The following ERBB4 variants were observed in gnomAD, a reference collection of about 807,000 sequenced individuals.
The protein encoded by ERBB4 is erb-b2 receptor tyrosine kinase 4.
A neutral mutation model predicts 158.0 loss-of-function variants in ERBB4; 42 were observed. That is an observed-to-expected ratio of 0.27 (90% CI 0.21 to 0.34). The LOEUF (loss-of-function observed/expected upper bound fraction) is 0.34, where lower values mean the gene tolerates loss of function less well. ERBB4 is among the 10% of genes least tolerant of loss of function. The pLI, the probability that ERBB4 is intolerant of heterozygous loss-of-function variation, is 1.00. For synonymous variants in ERBB4, 583 were observed against 558.7 expected (o/e 1.04, Z -0.61); for missense variants, 1,333 against 1,624.1 (o/e 0.82, Z 3.08).
At chr2:211,575,096 T>C (rs938210781) in intron 19 of ERBB4, among the ~76,000 whole-genome samples, 3 of 152,212 alleles carry the variant, frequency 2.0e-5, no homozygotes, top group African/African-American at 4.8e-5. Flanking sequence ...AAGCTGAGAT[T>C]TGAATCCAGT....
At chr2:211,395,837 T>C (rs962829685) in intron 25 of ERBB4, among the ~76,000 whole-genome samples, 1 of 152,088 alleles carries the variant, frequency 6.6e-6, no homozygotes, top group Non-Finnish European at 1.5e-5. Context: ...GATATACACA[T>C]ACATGCTTAT....
chr2:212,466,724 C>T (rs569088422), intron 1 of ERBB4, among the ~76,000 whole-genome samples: 2 of 152,202 alleles, frequency 1.3e-5, no homozygotes, highest in South Asian at 2.1e-4. Context: ...TACATTGGTA[C>T]CAGTAGAGTG....
rs1257612924 is a variant in ERBB4, at chr2:211,565,406, T to A, written c.2302-3318A>T. ...TGATACATAGGCTAAAAAGAAAAAA[T>A]TAAGACTTCACAGTATAAGCATATT... is the stretch of plus-strand genomic sequence containing the variant. On this transcript the variant is annotated intron_variant, in intron 19 of 27. Coordinates refer to ENST00000342788, the MANE Select transcript of ERBB4 (RefSeq NM_005235.3). 2.6e-5 allele frequency among the ~76,000 whole-genome samples: 4 copies of A among 151,954 alleles called. No individual in the cohort carries two copies. The East Asian group carries it at 7.7e-4, about 29-fold the overall frequency.
intron 1 of ERBB4, among the ~76,000 whole-genome samples, chr2:212,206,589 C>CTTTTCTTTTTTTTTTT (rs2082754707): frequency 8.6e-6 from 1 of 116,450 alleles, no homozygotes; most frequent in Admixed American, 8.0e-5. Flanking sequence ...CTGTTCTGTT[C>CTTTTCTTTTTTTTTTT]TTTTTTTTTT....
intron 5 of ERBB4, among the ~76,000 whole-genome samples, chr2:211,748,810 C>G (rs1559483522): frequency 6.6e-6 from 1 of 152,208 alleles, no homozygotes; most frequent in Non-Finnish European, 1.5e-5. Flanking sequence ...AGCACTTTCA[C>G]AGTCTCTTTG....
intron 20 of ERBB4, among the ~76,000 whole-genome samples, chr2:211,458,459 T>C (rs2064444529): frequency 6.6e-6 from 1 of 151,630 alleles, no homozygotes; most frequent in South Asian, 2.1e-4. Context: ...TAGAGATGGG[T>C]TTTCACCATG....
chr2:212,536,918 G>A (rs1693103018), intron 1 of ERBB4, among the ~76,000 whole-genome samples: 1 of 152,078 alleles, frequency 6.6e-6, no homozygotes, highest in African/African-American at 2.4e-5. Flanking sequence ...AGTGGGGAGG[G>A]AGATAAAAAG....
chr2:212,102,076 G>A (rs775441482), intron 2 of ERBB4, among the ~76,000 whole-genome samples: 4 of 69,096 alleles, frequency 5.8e-5, no homozygotes, highest in South Asian at 6.1e-4. Context: ...AATCATATAC[G>A]TTGAAAATTT....
Position 211,893,346 on chromosome 2 carries a change from T to A in ERBB4, c.421+54084A>T, listed in dbSNP as rs886370976. ...ATTTAATAAATGGTGCTGGGAAAAC[T>A]GGCTAGCCATATGTAGAAAGCTGAA... On this transcript the variant is annotated intron_variant, in intron 3 of 27. Coordinates refer to ENST00000342788, the MANE Select transcript of ERBB4 (RefSeq NM_005235.3). Among the ~76,000 whole-genome samples, 130 of 144,166 alleles carry A rather than the reference T, an allele frequency of 9.0e-4. 14 individuals are homozygous for A. The highest frequency in any genetic ancestry group is 3.4e-3 in the African/African-American group (123 of 36,498). 94.6% of individuals were successfully genotyped at this position (144,166 alleles called of 152,430 possible).
chr2:211,951,747 ATTATTCATTCTGT>A (rs545438326), intron 2 of ERBB4, among the ~76,000 whole-genome samples: 5 of 152,190 alleles, frequency 3.3e-5, no homozygotes, highest in African/African-American at 9.6e-5. Context: ...AGTCTCTGTC[ATTATTCATTCTGT>A]TTATTACCCT....
chr2:211,793,704 C>A (rs2076324985), intron 3 of ERBB4, among the ~76,000 whole-genome samples: 1 of 151,918 alleles, frequency 6.6e-6, no homozygotes. Context: ...CTGGAATGGA[C>A]TTGGTCCAGA....
At chr2:212,238,877 G>A (rs964901451) in intron 1 of ERBB4, among the ~76,000 whole-genome samples, 3 of 151,914 alleles carry the variant, frequency 2.0e-5, no homozygotes, top group African/African-American at 7.3e-5. Context: ...AATCTGAAAT[G>A]TAATATTCGG....
chr2:212,272,785 A>G (rs926095733), intron 1 of ERBB4, among the ~76,000 whole-genome samples: 5 of 151,834 alleles, frequency 3.3e-5, no homozygotes, highest in African/African-American at 1.2e-4. Context: ...AAAATTACAG[A>G]TTAATATTTT....
At chr2:211,408,824 A>C (rs888970025) in intron 25 of ERBB4, among the ~76,000 whole-genome samples, 7 of 152,212 alleles carry the variant, frequency 4.6e-5, no homozygotes, top group African/African-American at 1.7e-4. Flanking sequence ...TAAAAATAAA[A>C]TGCCACAGAT....
chr2:212,133,416 T>G (rs914618443), intron 1 of ERBB4, among the ~76,000 whole-genome samples: 3 of 145,966 alleles, frequency 2.1e-5, no homozygotes, highest in African/African-American at 8.1e-5. Flanking sequence ...TGTTTTGTTT[T>G]GTTTTTGTTT....
chr2:211,502,205 G>A (rs1367887479), intron 20 of ERBB4, among the ~76,000 whole-genome samples: 1 of 152,090 alleles, frequency 6.6e-6, no homozygotes, highest in Admixed American at 6.5e-5. Flanking sequence ...GATATGCAAC[G>A]ACAATAGTTT....
At position 211,555,248 on chromosome 2, in the gene ERBB4, C is replaced by G. The variant is rs138893662; in HGVS notation, c.2487+6655G>C. 8.2e-3 allele frequency among the ~76,000 whole-genome samples: 1,246 copies of G among 152,098 alleles called. 11 individuals carry two copies. The highest frequency in any genetic ancestry group is 0.028 in the African/African-American group (1,148 of 41,492). On this transcript the variant is annotated intron_variant, in intron 20 of 27. Coordinates refer to ENST00000342788, the MANE Select transcript of ERBB4 (RefSeq NM_005235.3). ...TTGCCCAGGCTGGAGTGCAATGGCACGATCTCGGCTCACCGCAACCTCTAC... is the reference window on the plus strand; with the variant it reads ...TTGCCCAGGCTGGAGTGCAATGGCAGGATCTCGGCTCACCGCAACCTCTAC...
At chr2:212,198,593 T>C (rs936629050) in intron 1 of ERBB4, among the ~76,000 whole-genome samples, 1 of 152,058 alleles carries the variant, frequency 6.6e-6, no homozygotes. Flanking sequence ...ATATAGTTTT[T>C]AGCTGGAGTC....
chr2:212,080,676 TAAAA>T (rs5838296), intron 2 of ERBB4, among the ~76,000 whole-genome samples: 44 of 139,366 alleles, frequency 3.2e-4, no homozygotes, highest in African/African-American at 9.3e-4. Flanking sequence ...GTATAAATAG[TAAAA>T]AAAAAAAAAA....
Sources: gnomAD v4.1 joint callset for allele counts (sites outside exome capture counted in the v4.1 genomes callset) on GRCh38, gnomAD v4.1.1 for gene constraint, MANE v1.5 for transcripts, NCBI Gene and HGNC (gene_info 2026-07-23, HGNC 2026-07-21) for gene names.